The following KLF12 variants were observed in gnomAD, a reference collection of about 807,000 sequenced individuals.
KLF12 encodes the protein Krueppel-like factor 12.
In KLF12, 9 loss-of-function variants were observed where a neutral mutation model predicts 37.8. The observed-to-expected ratio is 0.24, with a 90% confidence interval of 0.14 to 0.42. KLF12 has a LOEUF of 0.42. Ranked by LOEUF, KLF12 falls within the 10% of genes least tolerant of loss-of-function variation. KLF12 has a pLI of 1.00. For missense variants in KLF12, 411 were observed against 516.0 expected, an observed-to-expected ratio of 0.80 and a Z score of 1.97; for synonymous variants, 208 against 202.1, an observed-to-expected ratio of 1.03 and a Z score of -0.25.
At chr13:74,239,318 A>G in the KLF12 span, among the ~76,000 whole-genome samples, 1 of 149,188 alleles carries the variant, frequency 6.7e-6, no homozygotes, top group South Asian at 2.2e-4. Context: ...GTTTGTTATA[A>G]TTTCTGTTCT....
At chr13:73,780,326 G>A (rs1880880526) in intron 5 of KLF12, among the ~76,000 whole-genome samples, 1 of 152,010 alleles carries the variant, frequency 6.6e-6, no homozygotes, top group Non-Finnish European at 1.5e-5. Flanking sequence ...CTGAGATTTT[G>A]GTGCACCTGT....
chr13:73,851,722 T>C (rs1056384432), intron 3 of KLF12, among the ~76,000 whole-genome samples: 1 of 152,226 alleles, frequency 6.6e-6, no homozygotes, highest in African/African-American at 2.4e-5. Flanking sequence ...TTTCACTGTG[T>C]GACTTAGTGA....
At chr13:73,749,520 G>A (rs1042747056) in intron 6 of KLF12, among the ~76,000 whole-genome samples, 8 of 152,108 alleles carry the variant, frequency 5.3e-5, no homozygotes, top group African/African-American at 1.9e-4. Flanking sequence ...CCCATCCAGG[G>A]GGTGATGCTT....
intron 1 of KLF12, among the ~76,000 whole-genome samples, chr13:74,027,449 A>G (rs1250614283): frequency 6.6e-6 from 1 of 152,172 alleles, no homozygotes; most frequent in African/African-American, 2.4e-5. Context: ...AGTGGCATAT[A>G]TAATTGTTTT....
chr13:73,836,389 T>A (rs926714761), intron 4 of KLF12, among the ~76,000 whole-genome samples: 1 of 152,188 alleles, frequency 6.6e-6, no homozygotes, highest in Non-Finnish European at 1.5e-5. Flanking sequence ...CACAGAGTTG[T>A]AAATTATTAA....
Position 73,821,026 on chromosome 13 carries a change from G to A in KLF12, c.671-7739C>T, listed in dbSNP as rs183284000. On this transcript the variant is annotated intron_variant, in intron 4 of 7. Transcript: ENST00000377669. ...TAGTGCTACAAAACAGGATTGAGTC[G>A]TTGTCACAGAAACTGTAGGTCTGGT... Among the ~76,000 whole-genome samples the A allele has an allele frequency of 2.0e-4, 30 of 152,314 alleles. No homozygotes were observed. In the South Asian group the frequency reaches 3.3e-3, roughly 17 times the overall value.
At chr13:74,181,822 A>C in the KLF12 span, among the ~76,000 whole-genome samples, 1 of 152,156 alleles carries the variant, frequency 6.6e-6, no homozygotes, top group Middle Eastern at 3.2e-3. Flanking sequence ...TGTATCTTTG[A>C]AATAATCTTG....
chr13:74,056,529 C>T (rs756680572), intron 1 of KLF12, among the ~76,000 whole-genome samples: 1 of 152,082 alleles, frequency 6.6e-6, no homozygotes, highest in Non-Finnish European at 1.5e-5. Context: ...CATGAGAATT[C>T]GATTTAACAT....
intron 3 of KLF12, among the ~76,000 whole-genome samples, chr13:73,937,181 T>G (rs1889976049): frequency 7.5e-6 from 1 of 134,066 alleles, no homozygotes; most frequent in Admixed American, 8.1e-5. Context: ...AGAGCGAGAC[T>G]CCGTCTCAAA....
intron 1 of KLF12, among the ~76,000 whole-genome samples, chr13:74,028,891 T>C (rs952932746): frequency 7.2e-5 from 11 of 152,104 alleles, no homozygotes; most frequent in African/African-American, 2.2e-4. Context: ...TCTAGAGAAA[T>C]AGCAGTAAAA....
At chr13:73,921,244 C>A (rs1242404851) in intron 3 of KLF12, among the ~76,000 whole-genome samples, 2 of 152,026 alleles carry the variant, frequency 1.3e-5, no homozygotes, top group East Asian at 3.9e-4. Context: ...GTGTACTGAC[C>A]CATAATCAAC....
At chr13:73,928,660 T>A (rs1405711387) in intron 3 of KLF12, among the ~76,000 whole-genome samples, 1 of 152,226 alleles carries the variant, frequency 6.6e-6, no homozygotes, top group Admixed American at 6.5e-5. Context: ...TGAGAATAAT[T>A]CTTCAAGACC....
At chr13:73,878,494 A>G (rs1886821371) in intron 3 of KLF12, among the ~76,000 whole-genome samples, 1 of 152,200 alleles carries the variant, frequency 6.6e-6, no homozygotes, top group Non-Finnish European at 1.5e-5. Flanking sequence ...TACTTATTTT[A>G]AACTATTTTT....
intron 1 of KLF12, among the ~76,000 whole-genome samples, chr13:74,089,052 C>T (rs3945765): frequency 6.6e-6 from 1 of 152,024 alleles, no homozygotes; most frequent in Non-Finnish European, 1.5e-5. Context: ...AATTCTGATG[C>T]GTAATTATCA....
chr13:74,242,829 G>A, the KLF12 span, among the ~76,000 whole-genome samples: 2 of 152,290 alleles, frequency 1.3e-5, no homozygotes, highest in South Asian at 2.1e-4. Context: ...TTACAGCAAG[G>A]TGAGGCTATC....
chr13:73,724,047 C>A (rs1182846523), intron 6 of KLF12, among the ~76,000 whole-genome samples: 1 of 152,110 alleles, frequency 6.6e-6, no homozygotes, highest in African/African-American at 2.4e-5. Context: ...TGGGTATATA[C>A]CCAAAGGATT....
At chr13:73,987,842 G>A (rs899557741) in intron 2 of KLF12, among the ~76,000 whole-genome samples, 1 of 149,980 alleles carries the variant, frequency 6.7e-6, no homozygotes, top group Admixed American at 6.6e-5. Flanking sequence ...AAGAGGAAGT[G>A]GGGGAAGAGG....
chr13:74,207,740 A>C, the KLF12 span, among the ~76,000 whole-genome samples: 4 of 152,258 alleles, frequency 2.6e-5, no homozygotes, highest in Non-Finnish European at 4.4e-5. Context: ...AGAGGATTCC[A>C]TTCATCCCCA....
At chr13:73,724,248 G>T (rs895221939) in intron 6 of KLF12, among the ~76,000 whole-genome samples, 1 of 152,168 alleles carries the variant, frequency 6.6e-6, no homozygotes, top group African/African-American at 2.4e-5. Flanking sequence ...AGGGACATGG[G>T]TGAAGCTATA....
Sources: gnomAD v4.1 joint callset for allele counts (sites outside exome capture counted in the v4.1 genomes callset) on GRCh38, gnomAD v4.1.1 for gene constraint, MANE v1.5 for transcripts, NCBI Gene and HGNC (gene_info 2026-07-23, HGNC 2026-07-21) for gene names.